Variants in MID1 observed in about 807,000 individuals in gnomAD.
MID1 encodes midline 1, also known as E3 ubiquitin-protein ligase Midline-1.
Under a neutral mutation model 40.4 loss-of-function variants are expected in MID1, and 7 were observed. The ratio of observed to expected loss-of-function variants is 0.17; its 90% confidence interval spans 0.10 to 0.33. MID1 has a LOEUF of 0.33. Ranked by LOEUF, MID1 falls within the 10% of genes least tolerant of loss-of-function variation. MID1 has a pLI of 1.00. For synonymous variants in MID1, 229 were observed against 221.2 expected (o/e 1.04, Z -0.31); for missense variants, 367 against 558.5 (o/e 0.66, Z 3.46).
intron 7 of MID1, among the ~76,000 whole-genome samples, chrX:10,468,163 T>C (rs1929493584): frequency 8.9e-6 from 1 of 112,179 alleles, no homozygotes; most frequent in African/African-American, 3.2e-5. Flanking sequence ...ACATTCTTGG[T>C]AAATGGCAAG....
chrX:10,484,512 A>G (rs974146420), intron 4 of MID1, among the ~76,000 whole-genome samples: 2 of 112,283 alleles, frequency 1.8e-5, no homozygotes, highest in Admixed American at 9.5e-5. Flanking sequence ...AATCATGCAA[A>G]AATTAAAGCA....
intron 2 of MID1, among the ~76,000 whole-genome samples, chrX:10,548,788 T>C (rs958087455): frequency 9.0e-6 from 1 of 110,526 alleles, no homozygotes; most frequent in African/African-American, 3.4e-5. Flanking sequence ...TCTTCAGCCT[T>C]AGTCCATGCT....
chrX:10,599,111 A>T (rs908969657), intron 1 of MID1, among the ~76,000 whole-genome samples: 5 of 111,435 alleles, frequency 4.5e-5, no homozygotes, highest in Non-Finnish European at 9.4e-5. Context: ...AATCCACAAT[A>T]AGTCTTGCCA....
Position 10,817,554 on chromosome X carries a change from TTCTTTCTTTCTTTCTTTCTC to T in MID1, c.-187+15980_-187+15999del, listed in dbSNP as rs1483730631. 3.9e-3 allele frequency among the ~76,000 whole-genome samples: 396 copies of T among 102,798 alleles called. 3 individuals carry two copies. Among genetic ancestry groups the T allele is most frequent in the African/African-American group, 0.013 (368 of 27,506 alleles). 89.3% of individuals were successfully genotyped at this position (102,798 alleles called of 115,157 possible). On this transcript the variant is annotated intron_variant, in intron 1 of 10. Coordinates refer to the MID1 transcript ENST00000380785. ...TTTCTTTCTTTCTTTCTTTCTTTCTTTCTTTCTTTCTTTCTTTCTCTCTTTCTTTCTTTCTCTCTCTCTTT... is the reference window on the plus strand; with the variant it reads ...TTTCTTTCTTTCTTTCTTTCTTTCTTTCTTTCTTTCTTTCTCTCTCTCTTT...
At chrX:10,787,706 C>T (rs751304240) in intron 1 of MID1, among the ~76,000 whole-genome samples, 4 of 103,812 alleles carry the variant, frequency 3.9e-5, no homozygotes, top group African/African-American at 7.0e-5. Context: ...CCACTGCACC[C>T]GGCCCAAAAA....
chrX:10,445,951 C>T lies in MID1; in HGVS notation c.*3417G>A, dbSNP rs574054198. ...GAGTTTTGCATTAAAAGAAAACCAA[C>T]GATCAAGTTTCTACACTGCAGCACT... is the stretch of plus-strand genomic sequence containing the variant. On this transcript the variant is annotated 3_prime_UTR_variant, in exon 10 of 10. Coordinates refer to ENST00000317552, the MANE Select transcript of MID1 (RefSeq NM_000381.4). The T allele has an allele frequency of 1.7e-4, 19 of 111,332 alleles. No individual in the cohort carries two copies. Among genetic ancestry groups the T allele is most frequent in the South Asian group, 7.7e-4 (2 of 2,608 alleles). The allele number at this position is 111,332 out of a possible 1,213,427, so 9.2% of individuals were successfully genotyped here.
intron 2 of MID1, among the ~76,000 whole-genome samples, chrX:10,551,606 T>G (rs757226751): frequency 8.9e-6 from 1 of 111,881 alleles, no homozygotes; most frequent in South Asian, 3.7e-4. Context: ...TTACAGCCTT[T>G]TTCAACTGGT....
intron 1 of MID1, among the ~76,000 whole-genome samples, chrX:10,819,855 C>T (rs531520707): frequency 4.5e-5 from 5 of 111,866 alleles, no homozygotes; most frequent in South Asian, 7.5e-4. Context: ...TGTAACATTC[C>T]GCAAGCTATA....
chrX:10,473,373 G>C (rs1929818092), intron 6 of MID1, among the ~76,000 whole-genome samples: 1 of 112,224 alleles, frequency 8.9e-6, no homozygotes, highest in African/African-American at 3.2e-5. Flanking sequence ...CTTAATAGGA[G>C]TGGTATGTTT....
chrX:10,493,288 T>C (rs774745760), intron 4 of MID1, among the ~76,000 whole-genome samples: 88 of 111,521 alleles, frequency 7.9e-4, no homozygotes, highest in Non-Finnish European at 1.4e-3. Context: ...AAAGAGACCA[T>C]GAGCCAAAGA....
At chrX:10,743,186 G>A (rs750518167) in intron 1 of MID1, among the ~76,000 whole-genome samples, 1 of 112,280 alleles carries the variant, frequency 8.9e-6, no homozygotes, top group South Asian at 3.7e-4. Flanking sequence ...TTCTTGGGCT[G>A]GGTGGTTGTT....
At position 10,686,992 on chromosome X, in the gene MID1, G is replaced by C. The variant is rs1248464358; in HGVS notation, c.-186-66573C>G. Among the ~76,000 whole-genome samples, 8 of 111,498 alleles carry C rather than the reference G, an allele frequency of 7.2e-5. No homozygotes were observed. The Admixed American group carries it at 7.6e-4, about 11-fold the overall frequency. ...TGGACCCCATTCCAGGAGTGAGATA[G>C]CAAGTCCTTCCTTGGAAGGGGATCT... On this transcript the variant is annotated intron_variant, in intron 1 of 10. Transcript: ENST00000380785.
chrX:10,713,025 C>CG (rs931802216), intron 1 of MID1, among the ~76,000 whole-genome samples: 6 of 109,938 alleles, frequency 5.5e-5, no homozygotes, highest in African/African-American at 2.0e-4. Flanking sequence ...TTAGTAGAGA[C>CG]GGGGTTTCAC....
At position 10,469,382 on chromosome X, in the gene MID1, C is replaced by CTA. The variant is rs1288523365; in HGVS notation, c.1285+313_1285+314dup. ...TTATGAACCTATATGTGGATTAATACTATATATATATATTTGTTTCTCTCT... is the reference window on the plus strand; with the variant it reads ...TTATGAACCTATATGTGGATTAATACTATATATATATATATTTGTTTCTCTCT... On this transcript the variant is annotated intron_variant, in intron 7 of 9. Transcript: ENST00000317552. The CTA allele has an allele frequency of 8.0e-4, 786 of 986,688 alleles. 3 individuals are homozygous for CTA. The African/African-American group carries it at 9.9e-3, about 12-fold the overall frequency. 81.3% of individuals were successfully genotyped at this position (986,688 alleles called of 1,213,427 possible). A position where few individuals can be genotyped will look rare whatever the true frequency, so the allele number is the denominator to read the frequency against.
At chrX:10,596,295 C>T (rs1935409598) in intron 1 of MID1, among the ~76,000 whole-genome samples, 1 of 111,301 alleles carries the variant, frequency 9.0e-6, no homozygotes, top group Admixed American at 9.5e-5. Context: ...ATTACTTCCA[C>T]GAGTTCACTC....
intron 1 of MID1, among the ~76,000 whole-genome samples, chrX:10,710,986 T>C (rs189779476): frequency 1.8e-5 from 2 of 111,636 alleles, no homozygotes; most frequent in Non-Finnish European, 3.8e-5. Context: ...TTAGCCTGAC[T>C]GCCGCACTCA....
intron 1 of MID1, among the ~76,000 whole-genome samples, chrX:10,705,855 T>C (rs1328237965): frequency 8.9e-6 from 1 of 112,514 alleles, no homozygotes; most frequent in Non-Finnish European, 1.9e-5. Context: ...CTCAGTCCAC[T>C]TATTCATTGA....
chrX:10,664,359 G>A (rs967588913), intron 1 of MID1, among the ~76,000 whole-genome samples: 2 of 111,286 alleles, frequency 1.8e-5, no homozygotes, highest in Admixed American at 1.9e-4. Context: ...AGTAGAGATG[G>A]TGGTTTCACC....
chrX:10,489,184 G>A (rs2147310178), intron 4 of MID1, among the ~76,000 whole-genome samples: 1 of 111,521 alleles, frequency 9.0e-6, no homozygotes, highest in South Asian at 3.7e-4. Flanking sequence ...CTAGTTTGTG[G>A]TTGGTCTTTT....
Sources: allele counts gnomAD v4.1 joint callset (sites outside exome capture counted in the v4.1 genomes callset), GRCh38; gene constraint gnomAD v4.1.1; transcripts MANE v1.5; gene names NCBI Gene and HGNC (gene_info 2026-07-23, HGNC 2026-07-21).